PCDHGA9: variants seen among roughly 807,000 people sequenced by gnomAD.
PCDHGA9 encodes the protein protocadherin gamma subfamily A, 9, also known as protocadherin gamma-A9.
A neutral mutation model predicts 62.5 loss-of-function variants in PCDHGA9; 37 were observed. The observed-to-expected ratio is 0.59, with a 90% confidence interval of 0.46 to 0.78. The LOEUF (loss-of-function observed/expected upper bound fraction) is 0.78. PCDHGA9 is among the 30% of genes least tolerant of loss of function. The pLI, the probability that PCDHGA9 is intolerant of heterozygous loss-of-function variation, is 0.00. For missense variants in PCDHGA9, 1,138 were observed against 1,166.2 expected (o/e 0.98, Z 0.35); for synonymous variants, 459 against 484.6 (o/e 0.95, Z 0.69).
In PCDHGA9 at chr5:141,485,669, T is replaced by G. The variant is rs754363407; in HGVS notation, c.2425-9138T>G. ...TCAGGATGCAGATGTGGGGAGCAATTCGATTAGCAGCTATAGGCTGAGCTC... is the reference window on the plus strand; with the variant it reads ...TCAGGATGCAGATGTGGGGAGCAATGCGATTAGCAGCTATAGGCTGAGCTC... On this transcript the variant is annotated intron_variant, in intron 1 of 3. Transcript: ENST00000573521. The surrounding 1 kb of genome is among the most constrained non-coding windows in gnomAD (Gnocchi z 5.7). 1.9e-6 allele frequency: 3 copies of G among 1,612,788 alleles called. 1 individual carries two copies. Among genetic ancestry groups the G allele is most frequent in the Admixed American group, 1.7e-5 (1 of 59,980 alleles).
chr5:141,485,961 A>G lies in PCDHGA9; in HGVS notation c.2425-8846A>G. Reference sequence around the variant, plus strand: ...GCACCAGCGGGCATGGTGCTCATCCAGCTCAATGCCTCAGACCCGGACCTG... The same window carrying G: ...GCACCAGCGGGCATGGTGCTCATCCGGCTCAATGCCTCAGACCCGGACCTG... On this transcript the variant is annotated intron_variant, in intron 1 of 3. Coordinates refer to ENST00000573521, the MANE Select transcript of PCDHGA9 (RefSeq NM_018921.3). This position sits in a 1 kb window ranked among gnomAD's most constrained non-coding sequence, Gnocchi z 5.7. 1 of 1,614,204 alleles carries G rather than the reference A, an allele frequency of 6.2e-7. No individual in the cohort carries two copies. Among genetic ancestry groups the G allele is most frequent in the Non-Finnish European group, 8.5e-7 (1 of 1,180,028 alleles).
chr5:141,422,699 C>G (rs765368737), intron 1 of PCDHGA9: 2 of 1,603,420 alleles, frequency 1.2e-6, no homozygotes, highest in South Asian at 1.1e-5. Context: ...GTCACTTACT[C>G]TCTGACGGAT....
chr5:141,423,809 G>C, intron 1 of PCDHGA9: 1 of 1,260,030 alleles, frequency 7.9e-7, no homozygotes, highest in Non-Finnish European at 1.0e-6. Context: ...ATACATGTGA[G>C]TTTTACTTTG....
chr5:141,486,278 G>A lies in PCDHGA9; in HGVS notation c.2425-8529G>A. The A allele has an allele frequency of 1.2e-6, 2 of 1,614,088 alleles. No individual in the cohort carries two copies. Among genetic ancestry groups the A allele is most frequent in the South Asian group, 2.2e-5 (2 of 91,068 alleles). On this transcript the variant is annotated intron_variant, in intron 1 of 3. Transcript: ENST00000573521. This position sits in a 1 kb window ranked among gnomAD's most constrained non-coding sequence, Gnocchi z 5.0. The stretch of plus-strand genomic sequence containing the variant: ...CGAGAGTGCAGAACCTGGCACTGTG[G>A]TGGCACTTATCAGTGTGCAGGATCC...
intron 2 of PCDHGA9, among the ~76,000 whole-genome samples, chr5:141,502,500 G>A (rs1398797155): frequency 6.6e-6 from 1 of 152,046 alleles, no homozygotes; most frequent in Non-Finnish European, 1.5e-5. Context: ...ATCTAACGTC[G>A]GCCTGTCCCA....
In PCDHGA9 at chr5:141,494,886, C is replaced by T. The variant is rs1212594477; in HGVS notation, c.2483+21C>T. ...AGCGGGTAGGTGACTGATTCTCCAG[C>T]CCACCCTCTTCTCTGCGGCATTTTC... On this transcript the variant is annotated intron_variant, in intron 2 of 3. Coordinates refer to ENST00000573521, the MANE Select transcript of PCDHGA9 (RefSeq NM_018921.3). 8 of 1,614,010 alleles carry T rather than the reference C, an allele frequency of 5.0e-6. No homozygotes were observed. The Admixed American group carries it at 8.3e-5, about 17-fold the overall frequency.
At chr5:141,484,155 T>G (rs2099592564) in intron 1 of PCDHGA9, among the ~76,000 whole-genome samples, 1 of 152,224 alleles carries the variant, frequency 6.6e-6, no homozygotes, top group Non-Finnish European at 1.5e-5. Context: ...GTAGGCACAA[T>G]GCTGTTGGTA....
rs371490086 is a variant in PCDHGA9, at chr5:141,405,329, G to T, written c.2377G>T (p.Val793Phe). 3 of 1,614,168 alleles carry T rather than the reference G, an allele frequency of 1.9e-6. No individual in the cohort carries two copies. Among genetic ancestry groups the T allele is most frequent in the Non-Finnish European group, 2.5e-6 (3 of 1,180,010 alleles). Residue 793 changes from valine to phenylalanine, a missense_variant, in exon 1 of 4, where the codon GTC (valine) becomes TTC (phenylalanine). Coordinates refer to ENST00000573521, the MANE Select transcript of PCDHGA9 (RefSeq NM_018921.3). The part of the protein sequence containing the change: ...QSCEKNEPLC[V>F]SVDSKFPIED... The stretch of plus-strand genomic sequence containing the variant: ...CTGTGAGAAAAATGAGCCTTTGTGC[G>T]TCTCTGTTGATTCCAAGTTTCCTAT...
intron 1 of PCDHGA9, among the ~76,000 whole-genome samples, chr5:141,488,115 G>A (rs936010936): frequency 1.4e-4 from 21 of 152,298 alleles, no homozygotes; most frequent in Middle Eastern, 3.4e-3. Flanking sequence ...TTGAAACATA[G>A]AGACAGCAGA....
intron 1 of PCDHGA9, chr5:141,410,167 T>C (rs372848702): frequency 6.2e-7 from 1 of 1,613,652 alleles, no homozygotes; most frequent in African/African-American, 1.3e-5. Context: ...CGCCACTCTC[T>C]GCCACCGCCA....
intron 1 of PCDHGA9, chr5:141,413,356 C>T: frequency 6.2e-7 from 1 of 1,613,962 alleles, no homozygotes; most frequent in South Asian, 1.1e-5. Context: ...TCTGGCGCCC[C>T]GGGAGCTGGC....
chr5:141,421,297 C>T (rs143092131), intron 1 of PCDHGA9: 106 of 1,613,512 alleles, frequency 6.6e-5, no homozygotes, highest in Non-Finnish European at 8.5e-5. Flanking sequence ...CCTGGGGACG[C>T]TGCGGGGGTT....
chr5:141,490,497 C>T lies in PCDHGA9; in HGVS notation c.2425-4310C>T. 8 of 1,614,196 alleles carry T rather than the reference C, an allele frequency of 5.0e-6. No individual in the cohort carries two copies. Among genetic ancestry groups the T allele is most frequent in the Non-Finnish European group, 6.8e-6 (8 of 1,180,038 alleles). ...CTTTGGACCGGGAGGCCACATCCCACTATATCATCGAGCTGCTGGCCAGCG... is the reference window on the plus strand; with the variant it reads ...CTTTGGACCGGGAGGCCACATCCCATTATATCATCGAGCTGCTGGCCAGCG... On this transcript the variant is annotated intron_variant, in intron 1 of 3. Transcript: ENST00000573521. The surrounding 1 kb of genome is among the most constrained non-coding windows in gnomAD (Gnocchi z 5.4).
Position 141,404,821 on chromosome 5 carries a change from A to C in PCDHGA9, c.1869A>C (p.Thr623=). The C allele has an allele frequency of 6.2e-7, 1 of 1,613,788 alleles. No individual in the cohort carries two copies. Among genetic ancestry groups the C allele is most frequent in the Non-Finnish European group, 8.5e-7 (1 of 1,179,922 alleles). ...EPGLFSVGLH[T]GEVRTARALL... The stretch of plus-strand genomic sequence containing the variant: ...GGCTCTTCTCGGTGGGGCTGCACAC[A>C]GGTGAAGTGCGCACAGCTCGGGCCC... Residue 623 remains threonine (T), a synonymous_variant, in exon 1 of 4, where the codon ACA becomes ACC. Coordinates refer to ENST00000573521, the MANE Select transcript of PCDHGA9 (RefSeq NM_018921.3).
chr5:141,426,848 C>A (rs1379697529), intron 1 of PCDHGA9: 1 of 456,670 alleles, frequency 2.2e-6, no homozygotes, highest in Non-Finnish European at 4.4e-6. Context: ...AAGGCAAGAA[C>A]GCTCCAGAAT....
intron 1 of PCDHGA9, chr5:141,492,005 C>A (rs1444993907): frequency 3.1e-6 from 2 of 642,268 alleles, no homozygotes; most frequent in African/African-American, 3.8e-5. Flanking sequence ...GGGCGATTTC[C>A]GCGGGTGTCG....
intron 2 of PCDHGA9, among the ~76,000 whole-genome samples, chr5:141,501,847 C>T (rs976699397): frequency 1.3e-5 from 2 of 152,140 alleles, no homozygotes; most frequent in Admixed American, 6.5e-5. Context: ...GGCCCTCAAC[C>T]TTCAACCATT....
At chr5:141,488,565 C>T (rs1308485284) in intron 1 of PCDHGA9, among the ~76,000 whole-genome samples, 1 of 152,174 alleles carries the variant, frequency 6.6e-6, no homozygotes, top group Non-Finnish European at 1.5e-5. Flanking sequence ...GAGATTTCCG[C>T]AAAGCATTGC....
At chr5:141,455,552 G>T (rs897699654) in intron 1 of PCDHGA9, among the ~76,000 whole-genome samples, 1 of 152,144 alleles carries the variant, frequency 6.6e-6, no homozygotes, top group African/African-American at 2.4e-5. Flanking sequence ...CGTAGCCCGA[G>T]AAAAAGCTGG....
Sources: allele counts gnomAD v4.1 joint callset (sites outside exome capture counted in the v4.1 genomes callset), GRCh38; gene constraint gnomAD v4.1.1; non-coding constraint Gnocchi (gnomAD v3.1); transcripts MANE v1.5; gene names NCBI Gene and HGNC (gene_info 2026-07-23, HGNC 2026-07-21).